The following PHACTR1 variants were observed in gnomAD, a reference collection of about 807,000 sequenced individuals.
The protein encoded by PHACTR1 is RPEL repeat containing 1.
PHACTR1 carries 16 observed loss-of-function variants against 69.2 expected under a neutral mutation model. The ratio of observed to expected loss-of-function variants is 0.23; its 90% CI spans 0.16 to 0.35. The LOEUF (loss-of-function observed/expected upper bound fraction) is 0.35, where lower values mean the gene tolerates loss of function less well. PHACTR1 is among the 10% of genes least tolerant of loss of function. The pLI is 1.00. For missense variants in PHACTR1, 510 were observed against 734.7 expected, an observed-to-expected ratio of 0.69 and a Z score of 3.54; for synonymous variants, 312 against 284.5, an observed-to-expected ratio of 1.10 and a Z score of -0.97.
intron 4 of PHACTR1, among the ~76,000 whole-genome samples, chr6:12,917,794 C>A (rs1787177006): frequency 6.6e-6 from 1 of 152,030 alleles, no homozygotes; most frequent in African/African-American, 2.4e-5. Context: ...AAAGGAAAAG[C>A]AGCTCAAACC....
chr6:13,039,846 A>G (rs753926413), intron 4 of PHACTR1, among the ~76,000 whole-genome samples: 1 of 152,202 alleles, frequency 6.6e-6, no homozygotes, highest in East Asian at 1.9e-4. Flanking sequence ...TTTTCCTATT[A>G]AAATAAATCT....
chr6:13,184,876 C>T (rs541413328), intron 7 of PHACTR1: 11 of 1,366,616 alleles, frequency 8.0e-6, no homozygotes, highest in Non-Finnish European at 1.1e-5. Context: ...AGTCCTGCTA[C>T]TGCCCCCCAA....
chr6:12,818,686 C>T (rs1275920142), intron 4 of PHACTR1, among the ~76,000 whole-genome samples: 1 of 152,086 alleles, frequency 6.6e-6, no homozygotes, highest in Non-Finnish European at 1.5e-5. Context: ...CAGCTTTGTT[C>T]CAATAAAAAA....
At chr6:13,121,952 T>G (rs1032052922) in intron 5 of PHACTR1, among the ~76,000 whole-genome samples, 1 of 152,216 alleles carries the variant, frequency 6.6e-6, no homozygotes, top group African/African-American at 2.4e-5. Context: ...AATATATATG[T>G]GTATATGCGT....
chr6:12,886,031 G>A (rs1248917959), intron 4 of PHACTR1, among the ~76,000 whole-genome samples: 2 of 152,114 alleles, frequency 1.3e-5, no homozygotes, highest in African/African-American at 4.8e-5. Context: ...GGAGGCGGAG[G>A]TTTCAGTGAG....
chr6:13,083,117 T>C (rs905960650), intron 5 of PHACTR1, among the ~76,000 whole-genome samples: 9 of 152,364 alleles, frequency 5.9e-5, no homozygotes, highest in Admixed American at 1.3e-4. Context: ...GAATTAATTT[T>C]TGTATAAGGT....
rs371144168 is a variant in PHACTR1 at position 13,263,693 on chromosome 6, G to T, written c.1392-9167G>T. Among the ~76,000 whole-genome samples, 7 of 152,156 alleles carry T rather than the reference G, an allele frequency of 4.6e-5. No individual in the cohort carries two copies. In the East Asian group the frequency reaches 1.3e-3, roughly 29 times the overall value. ...CAAAGTGATCACGTTTAGATATACA[G>T]TCAGGAATTTTGTTTAATTTAATGT... On this transcript the variant is annotated intron_variant, in intron 10 of 14. Coordinates refer to ENST00000332995, the MANE Select transcript of PHACTR1 (RefSeq NM_030948.6).
In PHACTR1 at chr6:12,953,988, A is replaced by G. The variant is rs1791582344; in HGVS notation, c.251-99377A>G. ...TAAAAGTTATAATACATTGACTAAT[A>G]AAAGCGGCGTGATGACATAGGTGAG... On this transcript the variant is annotated intron_variant, in intron 4 of 14. Coordinates refer to ENST00000332995, the MANE Select transcript of PHACTR1 (RefSeq NM_030948.6). Among the ~76,000 whole-genome samples the G allele has an allele frequency of 2.0e-5, 3 of 152,232 alleles. No homozygotes were observed. The South Asian group carries it at 6.2e-4, about 32-fold the overall frequency.
At chr6:13,158,339 C>G (rs1416698602) in intron 5 of PHACTR1, among the ~76,000 whole-genome samples, 1 of 152,146 alleles carries the variant, frequency 6.6e-6, no homozygotes, top group East Asian at 1.9e-4. Context: ...AACTCTTGAA[C>G]CCCCACACAA....
chr6:13,010,415 A>G (rs890736095), intron 4 of PHACTR1, among the ~76,000 whole-genome samples: 1 of 152,238 alleles, frequency 6.6e-6, no homozygotes, highest in Non-Finnish European at 1.5e-5. Flanking sequence ...GGCGTGAGCC[A>G]TCACACCCAG....
chr6:12,997,262 ATATT>A (rs1797533759), intron 4 of PHACTR1, among the ~76,000 whole-genome samples: 1 of 147,990 alleles, frequency 6.8e-6, no homozygotes, highest in African/African-American at 2.4e-5. Flanking sequence ...AAGTAAATAT[ATATT>A]AGTATATAGT....
Position 13,023,539 on chromosome 6 carries a change from A to G in PHACTR1, c.251-29826A>G, listed in dbSNP as rs1236199298. On this transcript the variant is annotated intron_variant, in intron 4 of 14. Coordinates refer to ENST00000332995, the MANE Select transcript of PHACTR1 (RefSeq NM_030948.6). ...AACCTCAGCAGAGGCTCTTGGGGGG[A>G]AAAAGTTCCCGTTCTTTCGTTCTCA... Among the ~76,000 whole-genome samples, 8 of 152,280 alleles carry G rather than the reference A, an allele frequency of 5.3e-5. No homozygotes were observed. The South Asian group carries it at 1.0e-3, about 20-fold the overall frequency.
chr6:12,857,159 T>C (rs1212587349), intron 4 of PHACTR1, among the ~76,000 whole-genome samples: 4 of 152,224 alleles, frequency 2.6e-5, no homozygotes, highest in Non-Finnish European at 5.9e-5. Flanking sequence ...ACAGGGTTGT[T>C]TGTCTTTATT....
intron 5 of PHACTR1, among the ~76,000 whole-genome samples, chr6:13,141,724 C>CTTTTTTTTTTTTTTTTT (rs577073698): frequency 2.1e-4 from 19 of 89,734 alleles, no homozygotes; most frequent in East Asian, 6.9e-4. Flanking sequence ...TTTCTTCTTT[C>CTTTTTTTTTTTTTTTTT]TTTTTTTTTT....
At position 13,188,677 on chromosome 6, in the gene PHACTR1, T is replaced by A. The variant is rs529662287; in HGVS notation, c.664+5991T>A. On this transcript the variant is annotated intron_variant, in intron 7 of 14. Coordinates refer to ENST00000332995, the MANE Select transcript of PHACTR1 (RefSeq NM_030948.6). ...AGGAAAATGTAATTAATTTGGAGAGTATTTGTCTTACAAATTTCTTCTGTT... is the reference window on the plus strand; with the variant it reads ...AGGAAAATGTAATTAATTTGGAGAGAATTTGTCTTACAAATTTCTTCTGTT... Among the ~76,000 whole-genome samples, 454 of 152,266 alleles carry A rather than the reference T, an allele frequency of 3.0e-3. 4 individuals carry two copies. Among genetic ancestry groups the A allele is most frequent in the African/African-American group, 0.01 (431 of 41,550 alleles).
intron 4 of PHACTR1, among the ~76,000 whole-genome samples, chr6:12,784,489 TACACA>T (rs1771263411): frequency 6.6e-6 from 1 of 151,312 alleles, no homozygotes; most frequent in African/African-American, 2.4e-5. Flanking sequence ...CATATACATA[TACACA>T]CATATATACA....
rs1161324144 is a variant in PHACTR1 at position 12,955,192 on chromosome 6, CTT to C, written c.251-98154_251-98153del. On this transcript the variant is annotated intron_variant, in intron 4 of 14. Transcript: ENST00000332995. ...ATCTATGGCTCACATTGTATTTCCT[CTT>C]TTTTTTTTTTTTTTTTTTGAGAGAG... Among the ~76,000 whole-genome samples the C allele has an allele frequency of 6.3e-3, 652 of 103,274 alleles. 8 individuals are homozygous for C. Among genetic ancestry groups the C allele is most frequent in the African/African-American group, 0.027 (518 of 19,524 alleles). 67.8% of individuals were successfully genotyped at this position (103,274 alleles called of 152,430 possible).
At chr6:13,190,196 G>GTTTTGTTTTTTTTTTTTT (rs1220683843) in intron 7 of PHACTR1, among the ~76,000 whole-genome samples, 1 of 31,850 alleles carries the variant, frequency 3.1e-5, no homozygotes, top group African/African-American at 1.0e-4. Context: ...GCTAATTTTT[G>GTTTTGTTTTTTTTTTTTT]TATTTTTTTT....
At chr6:13,221,283 T>A (rs1043485030) in intron 8 of PHACTR1, among the ~76,000 whole-genome samples, 4 of 151,320 alleles carry the variant, frequency 2.6e-5, no homozygotes, top group African/African-American at 9.7e-5. Context: ...TTGAAAGGAG[T>A]TGGAGGGTCA....
Sources: gnomAD v4.1 joint callset for allele counts (sites outside exome capture counted in the v4.1 genomes callset) on GRCh38, gnomAD v4.1.1 for gene constraint, MANE v1.5 for transcripts, NCBI Gene and HGNC (gene_info 2026-07-23, HGNC 2026-07-21) for gene names.